VCL: variants seen among roughly 807,000 people sequenced by gnomAD.
VCL encodes epididymis luminal protein 114.
A neutral mutation model predicts 125.7 loss-of-function variants in VCL; 47 were observed. The observed-to-expected ratio is 0.37, with a 90% CI of 0.30 to 0.48. VCL has a LOEUF of 0.48. Among genes scored for constraint, VCL ranks in the 20% least tolerant of loss-of-function variants. The pLI is 0.99. For synonymous variants in VCL, 458 were observed against 514.6 expected (o/e 0.89, Z 1.49); for missense variants, 1,069 against 1,455.5 (o/e 0.73, Z 4.32).
In VCL at chr10:74,090,161, T is replaced by C. The variant is rs1264504325; in HGVS notation, c.1315T>C (p.Ser439Pro). The change falls in exon 10 of 22, where the codon TCT becomes CCT. Residue 439 changes from serine (S) to proline (P), a missense_variant. Ser to Pro is a moderately conservative substitution (Grantham distance 74). Around this residue, in one of 6 missense-constraint regions of VCL, gnomAD observed 760 missense variants for 928.9 expected, o/e 0.82. Transcript: ENST00000211998. ...CATTCTACGTTCCCTTGGGGAAATA[T>C]CTGCTCTGACTTCTAAATTAGCAGA... is the stretch of plus-strand genomic sequence containing the variant. Reference protein sequence around the residue: ...DDILRSLGEISALTSKLADLR... With the variant: ...DDILRSLGEIPALTSKLADLR... 2 of 1,614,224 alleles carry C rather than the reference T, an allele frequency of 1.2e-6. No individual in the cohort carries two copies. The highest frequency in any genetic ancestry group is 2.2e-5 in the East Asian group (1 of 44,888).
At chr10:74,002,612 G>A (rs1267658783) in intron 1 of VCL, among the ~76,000 whole-genome samples, 1 of 151,746 alleles carries the variant, frequency 6.6e-6, no homozygotes, top group African/African-American at 2.4e-5. Flanking sequence ...GGCCAAGTAT[G>A]GTGGCTCATG....
chr10:74,075,000 G>A (rs1591689948), intron 6 of VCL, 97 bp downstream of exon 6: 11 of 1,500,252 alleles, frequency 7.3e-6, no homozygotes, highest in Middle Eastern at 1.7e-4. Context: ...TGTAATTTTT[G>A]TAGCATAAGA....
intron 1 of VCL, among the ~76,000 whole-genome samples, chr10:74,020,279 A>G (rs894680172): frequency 1.3e-5 from 2 of 152,188 alleles, no homozygotes; most frequent in Non-Finnish European, 2.9e-5. Context: ...ATTAAATCTA[A>G]AAGATCTCAT....
At chr10:74,072,964 T>C (rs1839512220) in intron 5 of VCL, 112 bp downstream of exon 5, 1 of 1,433,524 alleles carries the variant, frequency 7.0e-7, no homozygotes, top group Non-Finnish European at 9.5e-7. Flanking sequence ...TTTTTTGAGA[T>C]GAAGTCTCAC....
chr10:74,115,230 G>GA (rs1315188615), intron 21 of VCL, among the ~76,000 whole-genome samples: 1 of 151,768 alleles, frequency 6.6e-6, no homozygotes, highest in Non-Finnish European at 1.5e-5. Flanking sequence ...CTCTTGTCTT[G>GA]AAAAAACAAA....
chr10:74,065,166 T>C (rs1388301355), intron 2 of VCL, among the ~76,000 whole-genome samples: 3 of 149,256 alleles, frequency 2.0e-5, no homozygotes, highest in African/African-American at 7.5e-5. Context: ...AGACTGAGTC[T>C]CACTCTGTCG....
rs536869615 is a variant in VCL at position 74,044,277 on chromosome 10, T to C, written c.239+1124T>C. ...ATACTTAAAACTTCTTAGGTTCTTA[T>C]ATTGTCTTTGATTAGTGGTTTTGTT... is the stretch of plus-strand genomic sequence containing the variant. On this transcript the variant is annotated intron_variant, in intron 2 of 21. Coordinates refer to ENST00000211998, the MANE Select transcript of VCL (RefSeq NM_014000.3). 1.6e-4 allele frequency among the ~76,000 whole-genome samples: 25 copies of C among 152,330 alleles called. 1 individual carries two copies. Among genetic ancestry groups the C allele is most frequent in the African/African-American group, 5.8e-4 (24 of 41,578 alleles).
chr10:74,005,228 T>G (rs1458530169), intron 1 of VCL: 1 of 152,128 alleles, frequency 6.6e-6, no homozygotes, highest in African/African-American at 2.4e-5. Context: ...GACAGATATC[T>G]ATATCTATAG....
intron 18 of VCL, 97 bp downstream of exon 18, chr10:74,109,253 CCTCTCT>C: frequency 6.9e-7 from 1 of 1,458,228 alleles, no homozygotes; most frequent in Non-Finnish European, 9.5e-7. Flanking sequence ...TTGGAGTCAC[CCTCTCT>C]CTCTCCTTTG....
chr10:74,033,740 A>G (rs970758297), intron 1 of VCL, among the ~76,000 whole-genome samples: 8 of 152,184 alleles, frequency 5.3e-5, no homozygotes, highest in African/African-American at 1.9e-4. Flanking sequence ...CTGAGGAACC[A>G]TCTTTTCAGT....
At chr10:74,026,242 A>C (rs1205710111) in intron 1 of VCL, among the ~76,000 whole-genome samples, 2 of 152,182 alleles carry the variant, frequency 1.3e-5, no homozygotes, top group African/African-American at 4.8e-5. Context: ...AAGTTTTAGC[A>C]TGCTTTTCTA....
chr10:74,076,967 AG>A (rs1839595580), intron 6 of VCL: 1 of 152,610 alleles, frequency 6.6e-6, no homozygotes, highest in Non-Finnish European at 1.5e-5. Context: ...TGCCATCAAG[AG>A]CTGCTTCTCT....
At chr10:74,103,071 T>G (rs1485338030) in intron 14 of VCL, among the ~76,000 whole-genome samples, 5 of 152,184 alleles carry the variant, frequency 3.3e-5, no homozygotes, top group African/African-American at 1.2e-4. Context: ...TTTCACCATA[T>G]TGGCCAGGCT....
intron 1 of VCL, among the ~76,000 whole-genome samples, chr10:74,023,936 A>C (rs997476647): frequency 6.6e-6 from 1 of 152,204 alleles, no homozygotes; most frequent in Non-Finnish European, 1.5e-5. Context: ...AACTGAGTCC[A>C]TGCCCAGCTC....
chr10:74,048,653 C>G (rs1244944800), intron 2 of VCL, among the ~76,000 whole-genome samples: 1 of 152,002 alleles, frequency 6.6e-6, no homozygotes, highest in African/African-American at 2.4e-5. Flanking sequence ...TAGACATGCT[C>G]CTTGGTTAAT....
At chr10:74,036,572 A>T (rs976706744) in intron 1 of VCL, among the ~76,000 whole-genome samples, 2 of 151,762 alleles carry the variant, frequency 1.3e-5, no homozygotes, top group Non-Finnish European at 2.9e-5. Context: ...TTTAAGGCAT[A>T]AAAAAAATGA....
intron 1 of VCL, among the ~76,000 whole-genome samples, chr10:74,000,277 T>TG (rs1020351387): frequency 6.6e-6 from 1 of 151,052 alleles, no homozygotes; most frequent in Non-Finnish European, 1.5e-5. Context: ...TTTTTTTTTT[T>TG]TTGAGACAGG....
At chr10:74,018,149 A>T (rs952969305) in intron 1 of VCL, among the ~76,000 whole-genome samples, 18 of 142,128 alleles carry the variant, frequency 1.3e-4, no homozygotes, top group Non-Finnish European at 2.3e-4. Context: ...AGAAAAAAAA[A>T]TCTGGTAAAA....
intron 6 of VCL, chr10:74,075,777 GA>G (rs1224319909): frequency 6.6e-6 from 1 of 152,662 alleles, no homozygotes; most frequent in Non-Finnish European, 1.5e-5. Context: ...GTGCTCAGTA[GA>G]ACGGTATGTT....
Sources: gnomAD v4.1 joint callset for allele counts (sites outside exome capture counted in the v4.1 genomes callset) on GRCh38, gnomAD v4.1.1 for gene constraint, gnomAD v4.1.1 regional missense constraint, MANE v1.5 for transcripts, NCBI Gene and HGNC (gene_info 2026-07-23, HGNC 2026-07-21) for gene names.